The following FAM200B variants were observed in gnomAD, a reference collection of about 807,000 sequenced individuals.
The protein encoded by FAM200B is protein FAM200B.
FAM200B carries 32 observed loss-of-function variants against 33.1 expected under a neutral mutation model. The observed-to-expected ratio is 0.97, with a 90% CI of 0.73 to 1.30. FAM200B has a LOEUF of 1.30. Among genes scored for constraint, FAM200B ranks in the 50% most tolerant of loss-of-function variants. The pLI is 0.00. For synonymous variants in FAM200B, 240 were observed against 264.8 expected (o/e 0.91, Z 0.91); for missense variants, 741 against 754.0 (o/e 0.98, Z 0.20).
At chr4:15,643,782 T>C in the FAM200B span, among the ~76,000 whole-genome samples, 2 of 152,240 alleles carry the variant, frequency 1.3e-5, no homozygotes, top group Non-Finnish European at 2.9e-5. Flanking sequence ...GTAATAATTA[T>C]ACCTTTGGTC....
chr4:15,655,675 C>G, the FAM200B span, among the ~76,000 whole-genome samples: 4 of 152,236 alleles, frequency 2.6e-5, no homozygotes, highest in Non-Finnish European at 4.4e-5. Flanking sequence ...CTGCCCACCA[C>G]GGCCTTGAGG....
chr4:15,652,966 T>C, the FAM200B span, among the ~76,000 whole-genome samples: 1 of 152,184 alleles, frequency 6.6e-6, no homozygotes, highest in South Asian at 2.1e-4. Context: ...ACAAACAAGG[T>C]ACTCTTCCTT....
At chr4:15,647,828 T>A in the FAM200B span, among the ~76,000 whole-genome samples, 2 of 152,230 alleles carry the variant, frequency 1.3e-5, no homozygotes, top group Non-Finnish European at 2.9e-5. Flanking sequence ...AAAACAGGGC[T>A]AATAATATTA....
At chr4:15,647,784 T>C in the FAM200B span, among the ~76,000 whole-genome samples, 1 of 152,210 alleles carries the variant, frequency 6.6e-6, no homozygotes, top group African/African-American at 2.4e-5. Context: ...CAGCAAGTCA[T>C]TACATTTCTT....
chr4:15,686,987 T>C lies in FAM200B; in HGVS notation c.10T>C (p.Phe4Leu). MDH[F>L]FIKRKRNSEV... Reference sequence around the variant, plus strand: ...ACAAATTGCTATTAAAATGGATCATTTCTTTATTAAAAGAAAGAGGAATAG... The same window carrying C: ...ACAAATTGCTATTAAAATGGATCATCTCTTTATTAAAAGAAAGAGGAATAG... Residue 4 changes from phenylalanine (F) to leucine (L), a missense_variant, in exon 2 of 2, where the codon TTC becomes CTC. By Grantham distance (22) the Phe-to-Leu change is conservative. Transcript: ENST00000422728. The C allele has an allele frequency of 4.3e-6, 6 of 1,390,460 alleles. No homozygotes were observed. The highest frequency in any genetic ancestry group is 5.7e-6 in the Non-Finnish European group (6 of 1,048,690). The allele number at this position is 1,390,460 out of a possible 1,614,324, so 86.1% of individuals were successfully genotyped here.
chr4:15,671,647 A>G, the FAM200B span, among the ~76,000 whole-genome samples: 1 of 152,080 alleles, frequency 6.6e-6, no homozygotes, highest in Non-Finnish European at 1.5e-5. Flanking sequence ...GTTTCCATCA[A>G]ATTTTTAAGC....
At chr4:15,677,608 C>T (rs943569760), upstream of FAM200B, among the ~76,000 whole-genome samples, 1 of 152,118 alleles carries the variant, frequency 6.6e-6, no homozygotes, top group Non-Finnish European at 1.5e-5. Context: ...ATTGGAAGCT[C>T]AAGGGGCTTC....
intron 1 of FAM200B, chr4:15,684,862 A>C (rs1365457149): frequency 6.6e-6 from 1 of 152,198 alleles, no homozygotes; most frequent in Non-Finnish European, 1.5e-5. Context: ...AAGGTTAACT[A>C]TTTGTAACAT....
chr4:15,652,284 C>G, the FAM200B span, among the ~76,000 whole-genome samples: 1 of 152,176 alleles, frequency 6.6e-6, no homozygotes, highest in Non-Finnish European at 1.5e-5. Context: ...TAAGAAACTA[C>G]TATGATTTAA....
chr4:15,644,185 A>G, the FAM200B span, among the ~76,000 whole-genome samples: 1 of 152,198 alleles, frequency 6.6e-6, no homozygotes, highest in East Asian at 1.9e-4. Context: ...TAGTTAGTCT[A>G]GCAAGAATCC....
chr4:15,649,497 T>A, the FAM200B span, among the ~76,000 whole-genome samples: 1 of 150,126 alleles, frequency 6.7e-6, no homozygotes, highest in Non-Finnish European at 1.5e-5. Context: ...GAAGAATTGC[T>A]TGAACCCGGG....
chr4:15,664,520 C>CT, the FAM200B span, among the ~76,000 whole-genome samples: 1 of 134,558 alleles, frequency 7.4e-6, no homozygotes, highest in Admixed American at 7.4e-5. Context: ...ATAAACATAT[C>CT]TTTTTCCCCC....
At chr4:15,654,705 G>A in the FAM200B span, among the ~76,000 whole-genome samples, 1 of 152,230 alleles carries the variant, frequency 6.6e-6, no homozygotes, top group African/African-American at 2.4e-5. Flanking sequence ...CAGCCAGGAA[G>A]CCAGCGAGAG....
chr4:15,662,411 C>T, the FAM200B span, among the ~76,000 whole-genome samples: 9 of 152,266 alleles, frequency 5.9e-5, no homozygotes, highest in East Asian at 1.7e-3. Flanking sequence ...AAATATACTT[C>T]ATAGTGTTGT....
chr4:15,659,259 G>A, the FAM200B span, among the ~76,000 whole-genome samples: 3 of 152,152 alleles, frequency 2.0e-5, no homozygotes, highest in Non-Finnish European at 2.9e-5. Flanking sequence ...CTTGCTGCAT[G>A]AATGAGAATT....
At chr4:15,664,103 T>A in the FAM200B span, among the ~76,000 whole-genome samples, 1 of 152,210 alleles carries the variant, frequency 6.6e-6, no homozygotes, top group Non-Finnish European at 1.5e-5. Context: ...CTTCAGAGCT[T>A]CTATCTTTTT....
chr4:15,681,201 T>A (rs931270630), upstream of FAM200B: 1 of 152,152 alleles, frequency 6.6e-6, no homozygotes, highest in Non-Finnish European at 1.5e-5. Context: ...CACAATGCGA[T>A]TCTCTAAATA....
At chr4:15,670,808 TC>T in the FAM200B span, among the ~76,000 whole-genome samples, 17 of 152,082 alleles carry the variant, frequency 1.1e-4, no homozygotes, top group Admixed American at 1.1e-3. Context: ...TGACTTAACT[TC>T]CTTTAACATT....
chr4:15,669,347 A>G, the FAM200B span, among the ~76,000 whole-genome samples: 1 of 152,232 alleles, frequency 6.6e-6, no homozygotes. Context: ...TAGGAAAGGT[A>G]GAGTAAAAAT....
Sources: allele counts gnomAD v4.1 joint callset (sites outside exome capture counted in the v4.1 genomes callset), GRCh38; gene constraint gnomAD v4.1.1; transcripts MANE v1.5; gene names NCBI Gene and HGNC (gene_info 2026-07-23, HGNC 2026-07-21).